Variants in MAPK8IP1 observed in about 807,000 individuals in gnomAD.
MAPK8IP1 encodes mitogen-activated protein kinase 8 interacting protein 1.
A neutral mutation model predicts 72.6 loss-of-function variants in MAPK8IP1; 17 were observed. The ratio of observed to expected loss-of-function variants is 0.23; its 90% CI spans 0.16 to 0.35. MAPK8IP1 has a LOEUF of 0.35. Ranked by LOEUF, MAPK8IP1 falls within the 10% of genes least tolerant of loss-of-function variation. MAPK8IP1 has a pLI of 1.00. For synonymous variants in MAPK8IP1, 401 were observed against 443.4 expected, an observed-to-expected ratio of 0.90 and a Z score of 1.20; for missense variants, 789 against 1,009.7, an observed-to-expected ratio of 0.78 and a Z score of 2.96.
Position 45,902,906 on chromosome 11 carries a change from A to G in MAPK8IP1, c.1139A>G (p.Lys380Arg), listed in dbSNP as rs757386461. 3.1e-6 allele frequency: 5 copies of G among 1,608,652 alleles called. No individual in the cohort carries two copies. Among genetic ancestry groups the G allele is most frequent in the East Asian group, 2.2e-5 (1 of 44,666 alleles). The part of the protein sequence containing the change: ...DTSALSYDSV[K>R]YTLVVDEHAQ... ...AGCGCCCTGTCCTATGACTCTGTCA[A>G]GTACACGCTGGTGGTAGATGAGCAT... The change falls in exon 5 of 12, where the codon AAG becomes AGG. Residue 380 changes from lysine to arginine, a missense_variant. Around this residue, in one of 4 missense-constraint regions of MAPK8IP1, gnomAD observed 377 missense variants for 411.7 expected, o/e 0.92. Coordinates refer to ENST00000241014, the MANE Select transcript of MAPK8IP1 (RefSeq NM_005456.4). The surrounding 1 kb of genome is among the most constrained non-coding windows in gnomAD (Gnocchi z 9.3).
At chr11:45,896,466 T>G in intron 1 of MAPK8IP1, 1 of 941,732 alleles carries the variant, frequency 1.1e-6, no homozygotes. Context: ...ATTTCTGCCA[T>G]CTACTTACAA....
chr11:45,894,507 T>TG (rs1381355394), intron 1 of MAPK8IP1, among the ~76,000 whole-genome samples: 1 of 152,118 alleles, frequency 6.6e-6, no homozygotes, highest in East Asian at 1.9e-4. Context: ...AGAATGCTGC[T>TG]GTCCTTGCCC....
chr11:45,904,177 T>C lies in MAPK8IP1; in HGVS notation c.1666+16T>C, dbSNP rs2086683265. 2 of 1,611,522 alleles carry C rather than the reference T, an allele frequency of 1.2e-6. No individual in the cohort carries two copies. Among genetic ancestry groups the C allele is most frequent in the East Asian group, 4.5e-5 (2 of 44,810 alleles). ...CACATGGCAGGTAGTGTTCCCTCCC[T>C]GGCCTGTGCCCCCAGCCACCACATC... is the stretch of plus-strand genomic sequence containing the variant. On this transcript the variant is annotated intron_variant, in intron 7 of 11. Transcript: ENST00000241014. This position sits in a 1 kb window ranked among gnomAD's most constrained non-coding sequence, Gnocchi z 6.4.
In MAPK8IP1 at chr11:45,903,844, TG is replaced by T; in HGVS notation, c.1494-141del. On this transcript the variant is annotated intron_variant, in intron 6 of 11. Transcript: ENST00000241014. The surrounding 1 kb of genome is among the most constrained non-coding windows in gnomAD (Gnocchi z 6.4). The stretch of plus-strand genomic sequence containing the variant: ...ATGTCTGCTTGACCTTGCTCTCCCC[TG>T]GGGTTAGTACTGCAACAGGCACACA... 1 of 787,852 alleles carries T rather than the reference TG, an allele frequency of 1.3e-6. No homozygotes were observed. Among genetic ancestry groups the T allele is most frequent in the South Asian group, 1.4e-5 (1 of 71,906 alleles). 48.8% of individuals were successfully genotyped at this position (787,852 alleles called of 1,614,324 possible). A position where few individuals can be genotyped will look rare whatever the true frequency, so the allele number is the denominator to read the frequency against.
intron 1 of MAPK8IP1, among the ~76,000 whole-genome samples, chr11:45,893,674 T>G (rs1240498966): frequency 6.6e-6 from 1 of 151,992 alleles, no homozygotes; most frequent in East Asian, 1.9e-4. Context: ...GAGGCCGGCC[T>G]GCGGAGGGCC....
chr11:45,900,201 A>G lies in MAPK8IP1; in HGVS notation c.271A>G (p.Met91Val), dbSNP rs1201942772. ...GGAGSRLQAEMLQMDLIDATG... is the reference protein window; with the variant it reads ...GGAGSRLQAEVLQMDLIDATG... ...CGCGGGGAGCCGGTTGCAGGCCGAG[A>G]TGCTGCAGATGGACCTGATCGACGC... Residue 91 changes from methionine (M) to valine (V), a missense_variant, in exon 3 of 12, where the codon ATG becomes GTG. Transcript: ENST00000241014. This position sits in a 1 kb window ranked among gnomAD's most constrained non-coding sequence, Gnocchi z 6.5. The G allele has an allele frequency of 7.6e-6, 10 of 1,321,128 alleles. No individual in the cohort carries two copies. In the African/African-American group the frequency reaches 1.4e-4, roughly 18 times the overall value. The allele number at this position is 1,321,128 out of a possible 1,614,324, so 81.8% of individuals were successfully genotyped here. A position where few individuals can be genotyped will look rare whatever the true frequency, so the allele number is the denominator to read the frequency against.
intron 1 of MAPK8IP1, among the ~76,000 whole-genome samples, chr11:45,888,291 C>T (rs1372932976): frequency 6.6e-6 from 1 of 152,210 alleles, no homozygotes; most frequent in Non-Finnish European, 1.5e-5. Flanking sequence ...CAGTGGTAAG[C>T]GCTGACATTT....
chr11:45,901,939 T>G, intron 3 of MAPK8IP1, 41 bp from the exon 4 acceptor site: 1 of 1,528,086 alleles, frequency 6.5e-7, no homozygotes, highest in Middle Eastern at 1.7e-4. Context: ...CCGGGCACTG[T>G]TGACCACTTC....
chr11:45,905,352 C>A (rs1005501483), intron 11 of MAPK8IP1, 103 bp downstream of exon 11: 3 of 1,131,464 alleles, frequency 2.7e-6, no homozygotes, highest in Non-Finnish European at 2.6e-6. Flanking sequence ...GTTTCCCCCG[C>A]AGCTCTGGAG....
chr11:45,900,508 A>T lies in MAPK8IP1; in HGVS notation c.522+56A>T. On this transcript the variant is annotated intron_variant, in intron 3 of 11. Transcript: ENST00000241014. This position sits in a 1 kb window ranked among gnomAD's most constrained non-coding sequence, Gnocchi z 6.5. Reference sequence around the variant, plus strand: ...GGGCCGCCGCGGAGATGTGAGGGGGAGCGCAGAGGGGCTGCAGCGGGAAGG... The same window carrying T: ...GGGCCGCCGCGGAGATGTGAGGGGGTGCGCAGAGGGGCTGCAGCGGGAAGG... 6.6e-7 allele frequency: 1 copy of T among 1,513,776 alleles called. No individual in the cohort carries two copies. 93.8% of individuals were successfully genotyped at this position (1,513,776 alleles called of 1,614,324 possible).
At chr11:45,896,596 A>AGC in intron 1 of MAPK8IP1, 1 of 1,293,512 alleles carries the variant, frequency 7.7e-7, no homozygotes, top group Non-Finnish European at 9.8e-7. Context: ...CAGCGGCAGC[A>AGC]GCGCAAGGGC....
chr11:45,902,138 A>G lies in MAPK8IP1; in HGVS notation c.604+77A>G. ...CCCCACTACAGAGAGCAAACCCTAC[A>G]GTCTCCAAAGGGCTGAGTAGAGGTG... On this transcript the variant is annotated intron_variant, in intron 4 of 11. Coordinates refer to ENST00000241014, the MANE Select transcript of MAPK8IP1 (RefSeq NM_005456.4). This position sits in a 1 kb window ranked among gnomAD's most constrained non-coding sequence, Gnocchi z 9.3. 1 of 1,327,554 alleles carries G rather than the reference A, an allele frequency of 7.5e-7. No individual in the cohort carries two copies. Among genetic ancestry groups the G allele is most frequent in the Non-Finnish European group, 1.1e-6 (1 of 918,396 alleles). The allele number at this position is 1,327,554 out of a possible 1,614,324, so 82.2% of individuals were successfully genotyped here. A position where few individuals can be genotyped will look rare whatever the true frequency, so the allele number is the denominator to read the frequency against.
At position 45,900,436 on chromosome 11, in the gene MAPK8IP1, A is replaced by G. The variant is rs1178040512; in HGVS notation, c.506A>G (p.Gln169Arg). 1.3e-6 allele frequency: 2 copies of G among 1,532,144 alleles called. No individual in the cohort carries two copies. The highest frequency in any genetic ancestry group is 1.7e-6 in the Non-Finnish European group (2 of 1,145,384). The allele number at this position is 1,532,144 out of a possible 1,614,324, so 94.9% of individuals were successfully genotyped here. ...KRPTTLNLFP[Q>R]VPRSQDTLNN... ...CCCACCACGCTCAACCTCTTTCCGC[A>G]GGTGCCGCGGTCTCAGGTGAGGCGC... Residue 169 changes from glutamine (Q) to arginine (R), a missense_variant, in exon 3 of 12, where the codon CAG becomes CGG. By Grantham distance (43) the Gln-to-Arg change is conservative. Coordinates refer to ENST00000241014, the MANE Select transcript of MAPK8IP1 (RefSeq NM_005456.4). The surrounding 1 kb of genome is among the most constrained non-coding windows in gnomAD (Gnocchi z 6.5).
chr11:45,896,126 C>G (rs2086603135), intron 1 of MAPK8IP1, among the ~76,000 whole-genome samples: 1 of 152,248 alleles, frequency 6.6e-6, no homozygotes, highest in African/African-American at 2.4e-5. Flanking sequence ...AGCAGCCCTT[C>G]CAGCTCTGCT....
Position 45,902,797 on chromosome 11 carries a change from C to T in MAPK8IP1, c.1030C>T (p.Arg344Trp), listed in dbSNP as rs564294379. The change falls in exon 5 of 12, where the codon CGG becomes TGG. Residue 344 changes from arginine (R) to tryptophan (W), a missense_variant. Physicochemically the swap from Arg to Trp is moderately radical, Grantham distance 101. Coordinates refer to ENST00000241014, the MANE Select transcript of MAPK8IP1 (RefSeq NM_005456.4). This position sits in a 1 kb window ranked among gnomAD's most constrained non-coding sequence, Gnocchi z 9.3. ...CTTCGACTGCCTGTCGTCCCCAGAGCGGGCTGAGCCCCCAGGCGGAGGGTG... is the reference window on the plus strand; with the variant it reads ...CTTCGACTGCCTGTCGTCCCCAGAGTGGGCTGAGCCCCCAGGCGGAGGGTG... ...EGFDCLSSPE[R>W]AEPPGGGWRG... 1.1e-5 allele frequency: 18 copies of T among 1,588,500 alleles called. No homozygotes were observed. The highest frequency in any genetic ancestry group is 1.4e-5 in the Non-Finnish European group (16 of 1,170,326).
In MAPK8IP1 at chr11:45,905,756, C is replaced by T. The variant is rs762466634; in HGVS notation, c.*35C>T. On this transcript the variant is annotated 3_prime_UTR_variant, in exon 12 of 12. Transcript: ENST00000241014. ...CCCGCCCTCTGCGTCCCCCAGCCCT[C>T]AGGCCAGTGCCAGGACAGCTGGCTG... 9 of 1,591,680 alleles carry T rather than the reference C, an allele frequency of 5.7e-6. No homozygotes were observed. The highest frequency in any genetic ancestry group is 7.7e-6 in the Non-Finnish European group (9 of 1,161,596).
In MAPK8IP1 at chr11:45,902,824, C is replaced by T. The variant is rs746424374; in HGVS notation, c.1057C>T (p.Arg353Trp). The change falls in exon 5 of 12, where the codon CGG (arginine) becomes TGG (tryptophan). Residue 353 changes from arginine to tryptophan, a missense_variant. Around this residue, in one of 4 missense-constraint regions of MAPK8IP1, gnomAD observed 377 missense variants for 411.7 expected, o/e 0.92. Transcript: ENST00000241014. The surrounding 1 kb of genome is among the most constrained non-coding windows in gnomAD (Gnocchi z 9.3). ...ERAEPPGGGW[R>W]GSLGEPPPPP... ...GGCTGAGCCCCCAGGCGGAGGGTGG[C>T]GGGGGAGCCTGGGGGAGCCGCCGCC... 32 of 1,580,846 alleles carry T rather than the reference C, an allele frequency of 2.0e-5. No homozygotes were observed. The highest frequency in any genetic ancestry group is 2.7e-5 in the Non-Finnish European group (31 of 1,165,766).
At chr11:45,895,633 A>AAAT (rs1554960474) in intron 1 of MAPK8IP1, among the ~76,000 whole-genome samples, 35 of 42,538 alleles carry the variant, frequency 8.2e-4, no homozygotes, top group South Asian at 4.7e-3. Context: ...AAAAAAAAAA[A>AAAT]ATATATATAT....
intron 3 of MAPK8IP1, among the ~76,000 whole-genome samples, chr11:45,901,242 G>T (rs2086651077): frequency 6.6e-6 from 1 of 152,108 alleles, no homozygotes. Context: ...AGCTCCCAGG[G>T]GAGGGAGCCT....
Sources: gnomAD v4.1 joint callset for allele counts (sites outside exome capture counted in the v4.1 genomes callset) on GRCh38, gnomAD v4.1.1 for gene constraint, gnomAD v4.1.1 regional missense constraint, Gnocchi (gnomAD v3.1) non-coding constraint, MANE v1.5 for transcripts, NCBI Gene and HGNC (gene_info 2026-07-23, HGNC 2026-07-21) for gene names.